AIG1: variants seen among roughly 807,000 people sequenced by gnomAD.
AIG1 encodes androgen induced 1.
A neutral mutation model predicts 31.4 loss-of-function variants in AIG1; 23 were observed. The ratio of observed to expected loss-of-function variants is 0.73; its 90% confidence interval spans 0.53 to 1.04. The LOEUF is 1.04. AIG1 is among the 50% of genes least tolerant of loss of function. AIG1 has a pLI of 0.00. For synonymous variants in AIG1, 100 were observed against 110.5 expected, an observed-to-expected ratio of 0.90 and a Z score of 0.60; for missense variants, 274 against 295.0, an observed-to-expected ratio of 0.93 and a Z score of 0.52.
At chr6:143,307,956 C>G (rs560247517) in intron 4 of AIG1, among the ~76,000 whole-genome samples, 50 of 152,338 alleles carry the variant, frequency 3.3e-4, no homozygotes, top group African/African-American at 1.1e-3. Context: ...AGTTTGATCT[C>G]AGACTGCTGT....
chr6:143,266,346 C>CAA (rs398002969), intron 3 of AIG1, among the ~76,000 whole-genome samples: 32,584 of 92,506 alleles, frequency 0.35, 6,000 homozygotes, highest in East Asian at 0.81. Context: ...GAGTCCGTCT[C>CAA]AAAAAAAAAA....
chr6:143,320,397 A>G (rs1013017596), intron 4 of AIG1, among the ~76,000 whole-genome samples: 1 of 152,206 alleles, frequency 6.6e-6, no homozygotes, highest in Non-Finnish European at 1.5e-5. Flanking sequence ...TCAAAGAGGC[A>G]TCAGCATTCC....
chr6:143,068,580 G>C (rs1393379629), intron 1 of AIG1, among the ~76,000 whole-genome samples: 1 of 152,228 alleles, frequency 6.6e-6, no homozygotes, highest in Non-Finnish European at 1.5e-5. Flanking sequence ...AGGTCTGTCA[G>C]GTTGTGTTAT....
In AIG1 at chr6:143,230,560, AAT is replaced by A. The variant is rs1466680059; in HGVS notation, c.400-53547_400-53546del. Among the ~76,000 whole-genome samples, 10 of 149,884 alleles carry A rather than the reference AAT, an allele frequency of 6.7e-5. No homozygotes were observed. In the East Asian group the frequency reaches 1.7e-3, roughly 26 times the overall value. On this transcript the variant is annotated intron_variant, in intron 3 of 5. Transcript: ENST00000357847. Reference sequence around the variant, plus strand: ...ATTAGTATAATCATATTACAACTATAATATGATTAATATTAGTATAATATTAA... The same window carrying A: ...ATTAGTATAATCATATTACAACTATAATGATTAATATTAGTATAATATTAA...
At chr6:143,082,427 T>G (rs566854111) in intron 1 of AIG1, among the ~76,000 whole-genome samples, 11 of 152,334 alleles carry the variant, frequency 7.2e-5, no homozygotes, top group African/African-American at 2.6e-4. Flanking sequence ...TTCTTCATTG[T>G]CTGGAAGAAA....
intron 2 of AIG1, among the ~76,000 whole-genome samples, chr6:143,155,095 A>G (rs763573433): frequency 2.0e-4 from 31 of 151,438 alleles, no homozygotes; most frequent in Non-Finnish European, 3.7e-4. Context: ...CTGGCCTCAA[A>G]TGATCCACCC....
intron 3 of AIG1, among the ~76,000 whole-genome samples, chr6:143,236,988 T>A (rs1320918567): frequency 1.3e-5 from 2 of 152,116 alleles, no homozygotes; most frequent in Non-Finnish European, 2.9e-5. Context: ...CTATCTTGGT[T>A]TTTTTGCATG....
At position 143,340,054 on chromosome 6, in the gene AIG1, A is replaced by G. The variant is rs1317792662; in HGVS notation, c.*378A>G. On this transcript the variant is annotated 3_prime_UTR_variant, in exon 6 of 6. Transcript: ENST00000357847. ...ATATGTTAAAGTCAAAGGGGCATATATAGAGTAAGGCTTTTGTGTATTTAA... is the reference window on the plus strand; with the variant it reads ...ATATGTTAAAGTCAAAGGGGCATATGTAGAGTAAGGCTTTTGTGTATTTAA... 2 of 170,306 alleles carry G rather than the reference A, an allele frequency of 1.2e-5. No homozygotes were observed. The highest frequency in any genetic ancestry group is 3.4e-4 in the East Asian group (2 of 5,814). The allele number at this position is 170,306 out of a possible 1,614,324, so 10.5% of individuals were successfully genotyped here.
Position 143,293,664 on chromosome 6 carries a change from C to G in AIG1, c.515+9439C>G, listed in dbSNP as rs1562564421. On this transcript the variant is annotated intron_variant, in intron 4 of 5. Transcript: ENST00000357847. The surrounding 1 kb of genome is among the most constrained non-coding windows in gnomAD (Gnocchi z 4.8). Reference sequence around the variant, plus strand: ...TTCTGAGTTTTTTGTTCTCCTACCCCCAACAGCTGGTTCTCAGACATTCTG... The same window carrying G: ...TTCTGAGTTTTTTGTTCTCCTACCCGCAACAGCTGGTTCTCAGACATTCTG... Among the ~76,000 whole-genome samples the G allele has an allele frequency of 6.6e-6, 1 of 152,166 alleles. No homozygotes were observed. The highest frequency in any genetic ancestry group is 1.5e-5 in the Non-Finnish European group (1 of 68,034).
intron 1 of AIG1, among the ~76,000 whole-genome samples, chr6:143,109,976 C>G (rs9496521): frequency 0.23 from 34,403 of 152,154 alleles, 7,937 homozygotes; most frequent in African/African-American, 0.57. Flanking sequence ...ATATTCTCCT[C>G]TGCTATCTTC....
intron 1 of AIG1, among the ~76,000 whole-genome samples, chr6:143,123,712 A>AT (rs1782426827): frequency 6.6e-6 from 1 of 151,984 alleles, no homozygotes; most frequent in Admixed American, 6.6e-5. Context: ...GCTACTTTCT[A>AT]TTTTTTGTTA....
rs1483914870 is a variant in AIG1, at chr6:143,256,697, A to G, written c.400-27413A>G. Reference sequence around the variant, plus strand: ...GCCTAATCCAGTGTATACTTTATATATATGATTCCCCACTTCATTGGCAGT... The same window carrying G: ...GCCTAATCCAGTGTATACTTTATATGTATGATTCCCCACTTCATTGGCAGT... On this transcript the variant is annotated intron_variant, in intron 3 of 5. Coordinates refer to ENST00000357847, the MANE Select transcript of AIG1 (RefSeq NM_016108.4). The surrounding 1 kb of genome is among the most constrained non-coding windows in gnomAD (Gnocchi z 4.6). 6.6e-6 allele frequency among the ~76,000 whole-genome samples: 1 copy of G among 152,262 alleles called. No individual in the cohort carries two copies. The highest frequency in any genetic ancestry group is 2.4e-5 in the African/African-American group (1 of 41,466).
At chr6:143,152,586 G>A (rs951802943) in intron 2 of AIG1, among the ~76,000 whole-genome samples, 5 of 152,134 alleles carry the variant, frequency 3.3e-5, no homozygotes, top group Non-Finnish European at 5.9e-5. Context: ...CGTGAAAGAA[G>A]CCTTGCTTTG....
In AIG1 at chr6:143,064,236, C is replaced by A. The variant is rs547994812; in HGVS notation, c.141+3170C>A. On this transcript the variant is annotated intron_variant, in intron 1 of 5. Coordinates refer to ENST00000357847, the MANE Select transcript of AIG1 (RefSeq NM_016108.4). The stretch of plus-strand genomic sequence containing the variant: ...AAATAGGGTAATTATCCTGAGTTAT[C>A]CCATTGGGCCCAATGTAATTACAAG... 2.6e-5 allele frequency among the ~76,000 whole-genome samples: 4 copies of A among 152,198 alleles called. No homozygotes were observed. The East Asian group carries it at 7.7e-4, about 29-fold the overall frequency.
In AIG1 at chr6:143,293,973, T is replaced by C. The variant is rs1482226527; in HGVS notation, c.515+9748T>C. ...TCCTCCCAGCAGATGGCCTGGCCTT[T>C]TATTTCACAGAGAAGATAAAAGACT... On this transcript the variant is annotated intron_variant, in intron 4 of 5. Coordinates refer to ENST00000357847, the MANE Select transcript of AIG1 (RefSeq NM_016108.4). This position sits in a 1 kb window ranked among gnomAD's most constrained non-coding sequence, Gnocchi z 4.8. Among the ~76,000 whole-genome samples, 4 of 152,240 alleles carry C rather than the reference T, an allele frequency of 2.6e-5. No homozygotes were observed. The highest frequency in any genetic ancestry group is 2.1e-4 in the South Asian group (1 of 4,820).
intron 3 of AIG1, among the ~76,000 whole-genome samples, chr6:143,172,517 C>G (rs1472993826): frequency 1.3e-5 from 2 of 152,094 alleles, no homozygotes; most frequent in Non-Finnish European, 2.9e-5. Context: ...GAATATTGGT[C>G]TGTAGTTTTC....
intron 1 of AIG1, among the ~76,000 whole-genome samples, chr6:143,107,123 A>C (rs1402956431): frequency 6.6e-6 from 1 of 152,208 alleles, no homozygotes; most frequent in Non-Finnish European, 1.5e-5. Context: ...ACTGTATTTA[A>C]AAAGTTAAGC....
Position 143,165,203 on chromosome 6 carries a change from C to T in AIG1, c.399+20C>T, listed in dbSNP as rs531566302. The T allele has an allele frequency of 1.7e-5, 27 of 1,559,644 alleles. No homozygotes were observed. Among genetic ancestry groups the T allele is most frequent in the Middle Eastern group, 1.7e-4 (1 of 5,956 alleles). On this transcript the variant is annotated intron_variant, in intron 3 of 5. Coordinates refer to ENST00000357847, the MANE Select transcript of AIG1 (RefSeq NM_016108.4). ...GGAATGGTGAGTGGATTAAAACAAA[C>T]GGCTTTCTTTTATTTTAAAAAATCT... is the stretch of plus-strand genomic sequence containing the variant.
intron 2 of AIG1, 140 bp downstream of exon 2, chr6:143,137,130 G>A: frequency 1.1e-6 from 1 of 906,216 alleles, no homozygotes; most frequent in Non-Finnish European, 1.5e-6. Context: ...CAGATGCGGT[G>A]GCTTAAACAA....
Sources: gnomAD v4.1 joint callset for allele counts (sites outside exome capture counted in the v4.1 genomes callset) on GRCh38, gnomAD v4.1.1 for gene constraint, Gnocchi (gnomAD v3.1) non-coding constraint, MANE v1.5 for transcripts, NCBI Gene and HGNC (gene_info 2026-07-23, HGNC 2026-07-21) for gene names.